DLGAP1: variants seen among roughly 807,000 people sequenced by gnomAD.
DLGAP1 encodes the protein DLG associated protein 1, also known as disks large-associated protein 1.
A neutral mutation model predicts 90.8 loss-of-function variants in DLGAP1; 11 were observed. That is an observed-to-expected ratio of 0.12 (90% confidence interval 0.08 to 0.20). The LOEUF (loss-of-function observed/expected upper bound fraction) is 0.20, where lower values mean the gene tolerates loss of function less well. Ranked by LOEUF, DLGAP1 falls within the 10% of genes least tolerant of loss-of-function variation. DLGAP1 has a pLI of 1.00. For synonymous variants in DLGAP1, 558 were observed against 540.7 expected (o/e 1.03, Z -0.44); for missense variants, 1,050 against 1,333.8 (o/e 0.79, Z 3.31).
chr18:4,321,964 TA>T (rs11365395), intron 1 of DLGAP1, among the ~76,000 whole-genome samples: 73,872 of 150,414 alleles, frequency 0.49, 18,615 homozygotes, highest in African/African-American at 0.64. Flanking sequence ...TTGGGAGGCC[TA>T]GGGGGGTGGA....
intron 7 of DLGAP1, chr18:3,597,216 T>C (rs776710104): frequency 1.9e-6 from 1 of 517,182 alleles, no homozygotes; most frequent in South Asian, 1.4e-5. Flanking sequence ...TACCTCCTAG[T>C]ATCATTTCAT....
intron 4 of DLGAP1, chr18:3,874,530 AAAAAC>A (rs1201434230): frequency 1.1e-5 from 16 of 1,457,196 alleles, no homozygotes; most frequent in Non-Finnish European, 1.3e-5. Flanking sequence ...TTTTAAAAGC[AAAAAC>A]AAAACAACAA....
At position 4,310,571 on chromosome 18, in the gene DLGAP1, T is replaced by TGA. The variant is rs2080374674; in HGVS notation, c.-267+144434_-267+144435insTC. ...ATTTCCTACAACCTTGAACACATCT[T>TGA]TAGCACTGTGCTTTATCATAGTGTA... On this transcript the variant is annotated intron_variant, in intron 1 of 12. Coordinates refer to ENST00000315677, the MANE Select transcript of DLGAP1 (RefSeq NM_004746.4). 7.2e-5 allele frequency among the ~76,000 whole-genome samples: 11 copies of TGA among 152,244 alleles called. No individual in the cohort carries two copies. In the South Asian group the frequency reaches 2.3e-3, roughly 32 times the overall value.
chr18:4,353,971 G>A (rs1264980585), intron 1 of DLGAP1, among the ~76,000 whole-genome samples: 1 of 152,140 alleles, frequency 6.6e-6, no homozygotes, highest in East Asian at 1.9e-4. Flanking sequence ...GTGGGTAAAC[G>A]TGTACAACTG....
intron 1 of DLGAP1, among the ~76,000 whole-genome samples, chr18:4,373,966 C>G (rs956610707): frequency 4.6e-5 from 7 of 151,898 alleles, no homozygotes; most frequent in Non-Finnish European, 1.0e-4. Flanking sequence ...GAAAAAAGAA[C>G]CTGAAAGCAT....
intron 3 of DLGAP1, among the ~76,000 whole-genome samples, chr18:3,999,788 TTCTC>T (rs1348499416): frequency 2.0e-5 from 3 of 152,044 alleles, no homozygotes; most frequent in South Asian, 4.2e-4. Context: ...TGCGCATGTG[TTCTC>T]TCTCTCTCAT....
chr18:4,226,553 C>T (rs1170348712), intron 1 of DLGAP1, among the ~76,000 whole-genome samples: 1 of 151,100 alleles, frequency 6.6e-6, no homozygotes, highest in Non-Finnish European at 1.5e-5. Flanking sequence ...AGTGTGGGGA[C>T]AAAGTTAAAG....
chr18:4,214,581 CATTG>C (rs1372318367), intron 1 of DLGAP1, among the ~76,000 whole-genome samples: 6 of 152,138 alleles, frequency 3.9e-5, no homozygotes, highest in African/African-American at 1.4e-4. Flanking sequence ...GAAATCTTAG[CATTG>C]ATTTACAGTT....
At chr18:4,269,416 C>G (rs1784720) in intron 1 of DLGAP1, among the ~76,000 whole-genome samples, 11 of 149,122 alleles carry the variant, frequency 7.4e-5, no homozygotes, top group South Asian at 2.1e-4. Flanking sequence ...TGCAGTGGCG[C>G]GATCTCAGCT....
Position 3,653,844 on chromosome 18 carries a change from G to A in DLGAP1, c.1592-71596C>T, listed in dbSNP as rs546628210. ...CACTCTTTGACATGAAAAGCTGCAC[G>A]AAGCTGCCTTGAATTCATTCTGCAG... On this transcript the variant is annotated intron_variant, in intron 7 of 12. Transcript: ENST00000315677. The surrounding 1 kb of genome is among the most constrained non-coding windows in gnomAD (Gnocchi z 4.6). The A allele has an allele frequency of 2.0e-5, 3 of 152,264 alleles. No homozygotes were observed. The highest frequency in any genetic ancestry group is 1.9e-4 in the East Asian group (1 of 5,188). The allele number at this position is 152,264 out of a possible 1,614,324, so 9.4% of individuals were successfully genotyped here.
chr18:3,787,459 T>G (rs1382187664), intron 5 of DLGAP1, among the ~76,000 whole-genome samples: 1 of 109,170 alleles, frequency 9.2e-6, no homozygotes, highest in African/African-American at 3.6e-5. Context: ...CTGGCCTGGG[T>G]GACAAAGCGA....
At position 3,509,360 on chromosome 18, in the gene DLGAP1, ATCTCCG is replaced by A. The variant is rs1441223922; in HGVS notation, c.2480-705_2480-700del. On this transcript the variant is annotated intron_variant, in intron 10 of 12. Coordinates refer to ENST00000315677, the MANE Select transcript of DLGAP1 (RefSeq NM_004746.4). Reference sequence around the variant, plus strand: ...GAATTCCCTAGGCACTGTGCTGAAAATCTCCGTCTCTGCAAGCAGGCTACTTCTTGT... The same window carrying A: ...GAATTCCCTAGGCACTGTGCTGAAAATCTCTGCAAGCAGGCTACTTCTTGT... 3.9e-5 allele frequency among the ~76,000 whole-genome samples: 6 copies of A among 152,238 alleles called. No individual in the cohort carries two copies. In the East Asian group the frequency reaches 1.2e-3, roughly 29 times the overall value.
intron 1 of DLGAP1, among the ~76,000 whole-genome samples, chr18:4,366,125 T>C (rs528049716): frequency 4.6e-5 from 7 of 152,140 alleles, no homozygotes; most frequent in Admixed American, 1.3e-4. Flanking sequence ...GCAATAAAAC[T>C]GATATAAATC....
intron 5 of DLGAP1, among the ~76,000 whole-genome samples, chr18:3,792,808 T>A (rs1315679280): frequency 1.3e-5 from 2 of 152,212 alleles, no homozygotes; most frequent in Non-Finnish European, 2.9e-5. Flanking sequence ...CAGATCCTGT[T>A]GGTCCTGCCT....
At chr18:3,829,474 T>G (rs2067915152) in intron 4 of DLGAP1, among the ~76,000 whole-genome samples, 1 of 151,822 alleles carries the variant, frequency 6.6e-6, no homozygotes, top group African/African-American at 2.4e-5. Flanking sequence ...GTGGGGAAGG[T>G]TAGTACACTT....
chr18:4,010,887 T>A (rs1398536264), intron 2 of DLGAP1, among the ~76,000 whole-genome samples: 1 of 148,516 alleles, frequency 6.7e-6, no homozygotes, highest in Non-Finnish European at 1.5e-5. Flanking sequence ...AAAAAAAAAA[T>A]CCCTCCGGCC....
intron 1 of DLGAP1, among the ~76,000 whole-genome samples, chr18:4,370,754 T>G (rs771388040): frequency 3.7e-4 from 35 of 93,434 alleles, no homozygotes; most frequent in Non-Finnish European, 6.2e-4. Context: ...TGTATGTGTA[T>G]GCATATGTGT....
At chr18:4,366,385 G>A (rs549097185) in intron 1 of DLGAP1, among the ~76,000 whole-genome samples, 2 of 152,090 alleles carry the variant, frequency 1.3e-5, no homozygotes, top group Non-Finnish European at 1.5e-5. Flanking sequence ...CAATTTAAAA[G>A]CCCATTCATT....
intron 1 of DLGAP1, among the ~76,000 whole-genome samples, chr18:4,193,017 T>A (rs1476581547): frequency 1.3e-5 from 2 of 152,260 alleles, no homozygotes. Flanking sequence ...TTCATACCTT[T>A]CTTTATGGAC....
Sources: allele counts gnomAD v4.1 joint callset (sites outside exome capture counted in the v4.1 genomes callset), GRCh38; gene constraint gnomAD v4.1.1; non-coding constraint Gnocchi (gnomAD v3.1); transcripts MANE v1.5; gene names NCBI Gene and HGNC (gene_info 2026-07-23, HGNC 2026-07-21).